PRUNE2: variants seen among roughly 807,000 people sequenced by gnomAD.
The protein encoded by PRUNE2 is prune homolog 2 with BCH domain, also known as protein prune homolog 2.
Under a neutral mutation model 252.0 loss-of-function variants are expected in PRUNE2, and 164 were observed. The observed-to-expected ratio is 0.65, with a 90% CI of 0.57 to 0.74. The LOEUF is 0.74. Among genes scored for constraint, PRUNE2 ranks in the 30% least tolerant of loss-of-function variants. The pLI is 0.00. For missense variants in PRUNE2, 3,495 were observed against 3,711.0 expected (o/e 0.94, Z 1.51); for synonymous variants, 1,292 against 1,350.2 (o/e 0.96, Z 0.94).
At chr9:76,749,578 G>C (rs2050431465) in intron 6 of PRUNE2, among the ~76,000 whole-genome samples, 1 of 152,200 alleles carries the variant, frequency 6.6e-6, no homozygotes, top group South Asian at 2.1e-4. Flanking sequence ...CGTTAGAGAG[G>C]TGAGGTCTTA....
chr9:76,726,725 G>A (rs911171363), intron 6 of PRUNE2, among the ~76,000 whole-genome samples: 1 of 152,170 alleles, frequency 6.6e-6, no homozygotes, highest in Non-Finnish European at 1.5e-5. Flanking sequence ...TATTCTTTCA[G>A]GTCAACATGA....
At chr9:76,841,446 C>T (rs1345248820) in intron 4 of PRUNE2, among the ~76,000 whole-genome samples, 2 of 152,164 alleles carry the variant, frequency 1.3e-5, no homozygotes, top group African/African-American at 4.8e-5. Context: ...CCCAGTGGCG[C>T]CTGGAACGCC....
intron 9 of PRUNE2, among the ~76,000 whole-genome samples, chr9:76,664,016 C>T (rs1029845322): frequency 3.3e-5 from 5 of 152,210 alleles, no homozygotes; most frequent in African/African-American, 1.2e-4. Context: ...TCCGCTACAT[C>T]CTACCTTCTC....
At chr9:76,829,445 A>G (rs1452691497) in intron 4 of PRUNE2, among the ~76,000 whole-genome samples, 1 of 152,224 alleles carries the variant, frequency 6.6e-6, no homozygotes, top group Non-Finnish European at 1.5e-5. Context: ...GTTATATCCT[A>G]GGACAAGGGT....
chr9:76,643,278 T>G (rs973013988), intron 12 of PRUNE2, among the ~76,000 whole-genome samples: 3 of 152,134 alleles, frequency 2.0e-5, no homozygotes, highest in Admixed American at 6.5e-5. Context: ...GGAGCTGATG[T>G]TTATAGGGCT....
At position 76,680,758 on chromosome 9, in the gene PRUNE2, T is replaced by A. The variant is rs191034600; in HGVS notation, c.8276+22579A>T. ...GGTTTAATTGACTCAGAGTTCTGCA[T>A]GGCTGGGGAGGCCTCAGGAAACTTA... On this transcript the variant is annotated intron_variant, in intron 9 of 18. Transcript: ENST00000376718. Among the ~76,000 whole-genome samples the A allele has an allele frequency of 2.6e-5, 4 of 152,302 alleles. No individual in the cohort carries two copies. In the East Asian group the frequency reaches 5.8e-4, roughly 22 times the overall value.
chr9:76,897,701 C>G (rs186882879), intron 1 of PRUNE2, among the ~76,000 whole-genome samples: 213 of 152,126 alleles, frequency 1.4e-3, no homozygotes, highest in African/African-American at 4.9e-3. Context: ...CAGGCATGAG[C>G]CACTGCACCT....
intron 1 of PRUNE2, among the ~76,000 whole-genome samples, chr9:76,864,705 A>G (rs1168799140): frequency 6.6e-6 from 1 of 152,244 alleles, no homozygotes; most frequent in Non-Finnish European, 1.5e-5. Context: ...AAACAACCCA[A>G]TGGAATCATC....
chr9:76,637,377 A>G, intron 14 of PRUNE2, 41 bp downstream of exon 14: 1 of 1,606,252 alleles, frequency 6.2e-7, no homozygotes, highest in Non-Finnish European at 8.5e-7. Context: ...TCTTCAGTTT[A>G]CCAAAATCAA....
At chr9:76,739,191 A>G (rs994419388) in intron 6 of PRUNE2, 2 of 152,232 alleles carry the variant, frequency 1.3e-5, no homozygotes, top group Non-Finnish European at 2.9e-5. Context: ...ACTAAGGAGG[A>G]AGAGAAAAAT....
In PRUNE2 at chr9:76,706,715, A is replaced by T. The variant is rs1292861535; in HGVS notation, c.5559T>A (p.Gly1853=). The T allele has an allele frequency of 1.2e-6, 2 of 1,613,202 alleles. No homozygotes were observed. The highest frequency in any genetic ancestry group is 1.7e-6 in the Non-Finnish European group (2 of 1,179,578). The change falls in exon 8 of 19, where the codon GGT becomes GGA. Residue 1853 remains glycine, a synonymous_variant. Coordinates refer to ENST00000376718, the MANE Select transcript of PRUNE2 (RefSeq NM_015225.3). ...PFERELSDSS[G]VLEINSSVHQ... is the part of the protein sequence containing the mutation. The stretch of plus-strand genomic sequence containing the variant: ...GTACTGAAGAATTTATCTCCAACAC[A>T]CCACTGGAGTCAGACAGCTCCCTTT...
intron 6 of PRUNE2, among the ~76,000 whole-genome samples, chr9:76,747,316 C>G (rs2050211604): frequency 6.6e-6 from 1 of 152,248 alleles, no homozygotes; most frequent in East Asian, 1.9e-4. Context: ...AGTGGGTTTT[C>G]TGTCTTTAAA....
chr9:76,780,147 T>A (rs11145059), intron 6 of PRUNE2, among the ~76,000 whole-genome samples: 8,839 of 152,236 alleles, frequency 0.058, 276 homozygotes, highest in East Asian at 0.088. Flanking sequence ...TTCAGGCCTA[T>A]GTAAGATCCA....
chr9:76,736,244 G>A (rs528283178), intron 6 of PRUNE2, among the ~76,000 whole-genome samples: 21 of 152,092 alleles, frequency 1.4e-4, no homozygotes, highest in African/African-American at 4.8e-4. Context: ...GCTTTCAAGA[G>A]ACTCAATGTG....
chr9:76,678,042 G>A (rs762654141), intron 9 of PRUNE2, among the ~76,000 whole-genome samples: 3 of 152,014 alleles, frequency 2.0e-5, no homozygotes, highest in Non-Finnish European at 4.4e-5. Context: ...AAGGCTCTAT[G>A]CCAATTAAGT....
At chr9:76,759,431 G>C (rs908749944) in intron 6 of PRUNE2, 2 of 152,378 alleles carry the variant, frequency 1.3e-5, no homozygotes, top group Non-Finnish European at 2.9e-5. Flanking sequence ...TGCCCACACA[G>C]ACCCCAAACC....
intron 9 of PRUNE2, among the ~76,000 whole-genome samples, chr9:76,680,175 G>A (rs1366863416): frequency 6.6e-6 from 1 of 152,060 alleles, no homozygotes; most frequent in Non-Finnish European, 1.5e-5. Context: ...TACATAACCT[G>A]ATTAAAAAAT....
chr9:76,855,695 A>T lies in PRUNE2; in HGVS notation c.37-1487T>A, dbSNP rs565845550. On this transcript the variant is annotated intron_variant, in intron 1 of 18. Coordinates refer to ENST00000376718, the MANE Select transcript of PRUNE2 (RefSeq NM_015225.3). ...ATGTAACATTGCTAAATTAAAATAA[A>T]TTTTTTTTCAAAATTGAGATATTGA... Among the ~76,000 whole-genome samples, 1,161 of 152,112 alleles carry T rather than the reference A, an allele frequency of 7.6e-3. 11 individuals carry two copies. The highest frequency in any genetic ancestry group is 0.011 in the Non-Finnish European group (746 of 67,978).
intron 6 of PRUNE2, among the ~76,000 whole-genome samples, chr9:76,812,347 T>C (rs1014580799): frequency 6.6e-6 from 1 of 152,238 alleles, no homozygotes; most frequent in Non-Finnish European, 1.5e-5. Context: ...CCTGTTATCT[T>C]AGCTGCAGGG....
Sources: gnomAD v4.1 joint callset for allele counts (sites outside exome capture counted in the v4.1 genomes callset) on GRCh38, gnomAD v4.1.1 for gene constraint, MANE v1.5 for transcripts, NCBI Gene and HGNC (gene_info 2026-07-23, HGNC 2026-07-21) for gene names.